The following SLC2A13 variants were observed in gnomAD, a reference collection of about 807,000 sequenced individuals.
The protein encoded by SLC2A13 is proton myo-inositol cotransporter.
A neutral mutation model predicts 64.4 loss-of-function variants in SLC2A13; 32 were observed. That is an observed-to-expected ratio of 0.50 (90% CI 0.37 to 0.67). The LOEUF (loss-of-function observed/expected upper bound fraction) is 0.67, where lower values mean the gene tolerates loss of function less well. Among genes scored for constraint, SLC2A13 ranks in the 30% least tolerant of loss-of-function variants. SLC2A13 has a pLI of 0.00. For synonymous variants in SLC2A13, 338 were observed against 327.1 expected (o/e 1.03, Z -0.36); for missense variants, 743 against 829.2 (o/e 0.90, Z 1.28).
intron 3 of SLC2A13, among the ~76,000 whole-genome samples, chr12:40,007,155 G>C (rs1947436535): frequency 6.6e-6 from 1 of 152,164 alleles, no homozygotes; most frequent in African/African-American, 2.4e-5. Flanking sequence ...GCTGAGAGAA[G>C]TGCCCAATGT....
chr12:40,058,796 C>T (rs565650995), intron 1 of SLC2A13, among the ~76,000 whole-genome samples: 2 of 152,194 alleles, frequency 1.3e-5, no homozygotes, highest in South Asian at 4.2e-4. Flanking sequence ...AGCAAGATGC[C>T]GTAACTATGG....
intron 3 of SLC2A13, among the ~76,000 whole-genome samples, chr12:40,013,424 A>G (rs1947566604): frequency 2.0e-5 from 3 of 152,256 alleles, no homozygotes; most frequent in Admixed American, 2.0e-4. Flanking sequence ...TATCTGAGAC[A>G]GGTATTACAA....
chr12:39,878,846 G>A (rs1944266103), intron 4 of SLC2A13, among the ~76,000 whole-genome samples: 1 of 152,204 alleles, frequency 6.6e-6, no homozygotes, highest in African/African-American at 2.4e-5. Context: ...CCAAGACTAT[G>A]GGAAAAAGTC....
At chr12:39,980,453 G>A (rs1319335232) in intron 3 of SLC2A13, among the ~76,000 whole-genome samples, 1 of 151,088 alleles carries the variant, frequency 6.6e-6, no homozygotes, top group Non-Finnish European at 1.5e-5. Flanking sequence ...GACACACATA[G>A]GCTCAAAATA....
At chr12:39,935,859 C>T (rs1425124466) in intron 4 of SLC2A13, among the ~76,000 whole-genome samples, 3 of 152,286 alleles carry the variant, frequency 2.0e-5, no homozygotes, top group African/African-American at 7.2e-5. Context: ...GGTACATGTA[C>T]CTTTTTATAC....
chr12:39,896,987 G>C (rs1375945809), intron 4 of SLC2A13, among the ~76,000 whole-genome samples: 1 of 152,070 alleles, frequency 6.6e-6, no homozygotes, highest in South Asian at 2.1e-4. Flanking sequence ...AGGGAGGTGA[G>C]GGGTTTAGTA....
intron 4 of SLC2A13, among the ~76,000 whole-genome samples, chr12:39,885,162 T>C (rs773185030): frequency 3.3e-5 from 5 of 152,180 alleles, no homozygotes; most frequent in Non-Finnish European, 7.4e-5. Flanking sequence ...GCAAAAGAAC[T>C]GAGTGGGGAA....
intron 4 of SLC2A13, among the ~76,000 whole-genome samples, chr12:39,947,126 G>C (rs764380980): frequency 1.6e-4 from 25 of 152,142 alleles, no homozygotes; most frequent in Non-Finnish European, 2.9e-4. Flanking sequence ...GTTAATAGAA[G>C]ACAGAAAAGT....
At chr12:39,781,991 C>T (rs1941001969) in intron 7 of SLC2A13, among the ~76,000 whole-genome samples, 1 of 152,148 alleles carries the variant, frequency 6.6e-6, no homozygotes, top group African/African-American at 2.4e-5. Context: ...AATACAGGAA[C>T]TGAAAATTAC....
intron 2 of SLC2A13, among the ~76,000 whole-genome samples, chr12:40,038,943 TAAA>T (rs200145184): frequency 0.023 from 3,475 of 152,114 alleles, 143 homozygotes; most frequent in African/African-American, 0.079. Flanking sequence ...AAAAAAGAGT[TAAA>T]AATTCTGCAA....
At chr12:39,827,042 C>G (rs1942709826) in intron 7 of SLC2A13, among the ~76,000 whole-genome samples, 1 of 150,710 alleles carries the variant, frequency 6.6e-6, no homozygotes, top group Non-Finnish European at 1.5e-5. Flanking sequence ...ACTTTTGCAC[C>G]AGCCTGATAC....
intron 7 of SLC2A13, among the ~76,000 whole-genome samples, chr12:39,775,137 A>G (rs1592125086): frequency 6.6e-6 from 1 of 152,196 alleles, no homozygotes; most frequent in Non-Finnish European, 1.5e-5. Context: ...CAAGATTAAC[A>G]TAGATAGAGA....
intron 3 of SLC2A13, among the ~76,000 whole-genome samples, chr12:39,982,786 C>G (rs965489671): frequency 6.8e-6 from 1 of 147,896 alleles, no homozygotes; most frequent in African/African-American, 2.5e-5. Context: ...CCATCCCCAT[C>G]AAGCTACCAA....
chr12:39,779,778 C>G (rs1275755552), intron 7 of SLC2A13, among the ~76,000 whole-genome samples: 3 of 152,208 alleles, frequency 2.0e-5, no homozygotes, highest in Non-Finnish European at 4.4e-5. Flanking sequence ...ATTGAAAAAT[C>G]TATCTGTATC....
intron 3 of SLC2A13, among the ~76,000 whole-genome samples, chr12:40,004,725 C>T (rs139934319): frequency 0.011 from 1,667 of 151,780 alleles, 19 homozygotes; most frequent in Non-Finnish European, 0.017. Context: ...AGCTTAACTA[C>T]GAATAGCCCA....
intron 1 of SLC2A13, among the ~76,000 whole-genome samples, chr12:40,058,319 C>T (rs2136248556): frequency 6.6e-6 from 1 of 152,140 alleles, no homozygotes; most frequent in South Asian, 2.1e-4. Flanking sequence ...TATTTTATAA[C>T]TATAAAATAG....
At chr12:39,984,369 G>A (rs984165006) in intron 3 of SLC2A13, among the ~76,000 whole-genome samples, 10 of 151,870 alleles carry the variant, frequency 6.6e-5, no homozygotes, top group East Asian at 3.9e-4. Flanking sequence ...ACAGAGCAAC[G>A]GTAAGTGCAA....
rs1445147669 is a variant in SLC2A13 at position 39,896,468 on chromosome 12, ATATATG to A, written c.1035-24513_1035-24508del. Among the ~76,000 whole-genome samples the A allele has an allele frequency of 5.5e-5, 8 of 144,350 alleles. 1 individual carries two copies. Among genetic ancestry groups the A allele is most frequent in the Admixed American group, 5.0e-4 (7 of 13,910 alleles). The allele number at this position is 144,350 out of a possible 152,430, so 94.7% of individuals were successfully genotyped here. The stretch of plus-strand genomic sequence containing the variant: ...TGTATATGTGTGTATATATGTATAC[ATATATG>A]TATATGTGTATATATGTACACATAT... On this transcript the variant is annotated intron_variant, in intron 4 of 9. Transcript: ENST00000280871.
At chr12:40,028,635 A>T (rs929766117) in intron 2 of SLC2A13, 126 bp from the exon 3 acceptor site, 26 of 855,760 alleles carry the variant, frequency 3.0e-5, no homozygotes, top group Non-Finnish European at 4.4e-5. Flanking sequence ...TTATTTGTGC[A>T]TTTATGTGTG....
Sources: allele counts gnomAD v4.1 joint callset (sites outside exome capture counted in the v4.1 genomes callset), GRCh38; gene constraint gnomAD v4.1.1; transcripts MANE v1.5; gene names NCBI Gene and HGNC (gene_info 2026-07-23, HGNC 2026-07-21).